RXFP1: variants seen among roughly 807,000 people sequenced by gnomAD.
The protein encoded by RXFP1 is relaxin family peptide receptor 1.
A neutral mutation model predicts 89.8 loss-of-function variants in RXFP1; 73 were observed. The ratio of observed to expected loss-of-function variants is 0.81; its 90% CI spans 0.67 to 0.99. RXFP1 has a LOEUF of 0.99. Ranked by LOEUF, RXFP1 falls within the 50% of genes least tolerant of loss-of-function variation. RXFP1 has a pLI of 0.00. For synonymous variants in RXFP1, 277 were observed against 305.5 expected (o/e 0.91, Z 0.97); for missense variants, 793 against 895.5 (o/e 0.89, Z 1.46).
intron 1 of RXFP1, among the ~76,000 whole-genome samples, chr4:158,550,281 A>AT (rs1198518188): frequency 2.0e-5 from 3 of 152,178 alleles, no homozygotes; most frequent in Non-Finnish European, 4.4e-5. Flanking sequence ...CTGGTGTGCC[A>AT]TTTTTTAAGC....
intron 14 of RXFP1, among the ~76,000 whole-genome samples, chr4:158,644,594 G>C (rs149365462): frequency 5.3e-5 from 8 of 152,232 alleles, no homozygotes; most frequent in East Asian, 1.9e-4. Flanking sequence ...TAACCATTGC[G>C]AGTACGATAA....
At chr4:158,532,783 C>T (rs1315692596) in intron 1 of RXFP1, among the ~76,000 whole-genome samples, 1 of 152,184 alleles carries the variant, frequency 6.6e-6, no homozygotes, top group Non-Finnish European at 1.5e-5. Context: ...GGAACTCAGG[C>T]AGATTCGGGG....
At chr4:158,642,096 CT>C (rs144853904) in intron 14 of RXFP1, among the ~76,000 whole-genome samples, 12 of 148,858 alleles carry the variant, frequency 8.1e-5, no homozygotes, top group African/African-American at 3.0e-4. Flanking sequence ...AATATAACTT[CT>C]TTTTTTTTTC....
chr4:158,639,841 C>T (rs2150235391), intron 14 of RXFP1, among the ~76,000 whole-genome samples: 1 of 152,064 alleles, frequency 6.6e-6, no homozygotes, highest in African/African-American at 2.4e-5. Context: ...GCCTGGGCGA[C>T]AGAGTGAGAC....
chr4:158,529,334 C>T (rs1743426773), intron 1 of RXFP1, among the ~76,000 whole-genome samples: 1 of 151,986 alleles, frequency 6.6e-6, no homozygotes, highest in African/African-American at 2.4e-5. Flanking sequence ...TCACAGCTCA[C>T]TGCAGCCTCA....
intron 1 of RXFP1, among the ~76,000 whole-genome samples, chr4:158,542,109 A>ATATATATATATTTTTTT: frequency 2.3e-4 from 8 of 35,238 alleles, no homozygotes; most frequent in South Asian, 8.1e-4. Flanking sequence ...ATATATATAT[A>ATATATATATATTTTTTT]TTTTTTTTTT....
intron 3 of RXFP1, among the ~76,000 whole-genome samples, chr4:158,596,075 T>C (rs1490569885): frequency 2.0e-5 from 3 of 151,204 alleles, no homozygotes; most frequent in African/African-American, 4.9e-5. Flanking sequence ...GCCACTGTGC[T>C]CCAGCCTAGG....
intron 3 of RXFP1, among the ~76,000 whole-genome samples, chr4:158,595,177 C>A (rs969119592): frequency 2.0e-5 from 3 of 152,190 alleles, no homozygotes; most frequent in African/African-American, 7.2e-5. Flanking sequence ...TTATTCAATT[C>A]TCTTACTCAT....
rs180780991 is a variant in RXFP1, at chr4:158,652,178, G to A, written c.*123G>A. On this transcript the variant is annotated 3_prime_UTR_variant, in exon 18 of 18. Transcript: ENST00000307765. ...AATAGCTAAGATAAATATTTTACAAGGACATGAGGAAAAATAAAAATGACT... is the reference window on the plus strand; with the variant it reads ...AATAGCTAAGATAAATATTTTACAAAGACATGAGGAAAAATAAAAATGACT... 12 of 769,610 alleles carry A rather than the reference G, an allele frequency of 1.6e-5. No individual in the cohort carries two copies. The African/African-American group carries it at 1.6e-4, about 10-fold the overall frequency. The allele number at this position is 769,610 out of a possible 1,614,324, so 47.7% of individuals were successfully genotyped here.
At chr4:158,555,240 A>G (rs1751025421) in intron 1 of RXFP1, among the ~76,000 whole-genome samples, 1 of 152,170 alleles carries the variant, frequency 6.6e-6, no homozygotes, top group East Asian at 1.9e-4. Flanking sequence ...AGAGTAAAAA[A>G]CTTAGTTTAT....
rs902953975 is a variant in RXFP1 at position 158,554,213 on chromosome 4, A to AT, written c.50-18479dup. ...AGAAAACTAATATTACAATTCAATG[A>AT]TTTTTTCTCTATAGCTAAGAAACCG... On this transcript the variant is annotated intron_variant, in intron 1 of 17. Coordinates refer to ENST00000307765, the MANE Select transcript of RXFP1 (RefSeq NM_021634.4). Among the ~76,000 whole-genome samples, 13 of 152,268 alleles carry AT rather than the reference A, an allele frequency of 8.5e-5. No individual in the cohort carries two copies. In the East Asian group the frequency reaches 1.2e-3, roughly 14 times the overall value.
intron 13 of RXFP1, 138 bp downstream of exon 13, chr4:158,638,217 G>A: frequency 7.4e-6 from 4 of 541,288 alleles, no homozygotes; most frequent in Non-Finnish European, 1.3e-5. Context: ...ACATATGGGT[G>A]CTTGCTGAAC....
At chr4:158,573,082 C>G (rs1177073242) in intron 2 of RXFP1, 1 of 336,026 alleles carries the variant, frequency 3.0e-6, no homozygotes, top group African/African-American at 2.1e-5. Flanking sequence ...GATCTCGGCT[C>G]ACTGCAACCT....
intron 1 of RXFP1, among the ~76,000 whole-genome samples, chr4:158,561,633 T>TC (rs1752462442): frequency 7.0e-6 from 1 of 143,694 alleles, no homozygotes; most frequent in South Asian, 2.2e-4. Flanking sequence ...TTTCTTTTTT[T>TC]TTTTTTTTTT....
intron 2 of RXFP1, 80 bp downstream of exon 2, chr4:158,572,915 A>C: frequency 6.5e-7 from 1 of 1,548,558 alleles, no homozygotes; most frequent in Middle Eastern, 1.8e-4. Context: ...TTCTCTCAAC[A>C]AAAAGACAAA....
chr4:158,561,626 C>CTT lies in RXFP1; in HGVS notation c.50-11054_50-11053dup, dbSNP rs70962615. Among the ~76,000 whole-genome samples, 322 of 112,552 alleles carry CTT rather than the reference C, an allele frequency of 2.9e-3. 7 individuals are homozygous for CTT. The highest frequency in any genetic ancestry group is 6.3e-3 in the African/African-American group (191 of 30,206). 73.8% of individuals were successfully genotyped at this position (112,552 alleles called of 152,430 possible). On this transcript the variant is annotated intron_variant, in intron 1 of 17. Coordinates refer to ENST00000307765, the MANE Select transcript of RXFP1 (RefSeq NM_021634.4). ...ACAATCTGTATTTTTTTCTTTTTTT[C>CTT]TTTTTTTTTTTTTTTTTTTGAGACA...
At chr4:158,521,729 G>A (rs1242982653), upstream of RXFP1, 2 of 494,818 alleles carry the variant, frequency 4.0e-6, no homozygotes, top group African/African-American at 2.0e-5. Context: ...TGTGTGTAAA[G>A]AAGGAGATTA....
intron 13 of RXFP1, among the ~76,000 whole-genome samples, chr4:158,638,848 A>G (rs1203778131): frequency 6.6e-6 from 1 of 151,748 alleles, no homozygotes; most frequent in African/African-American, 2.4e-5. Flanking sequence ...AGTTCATTTA[A>G]TTTGAGTGTT....
intron 2 of RXFP1, among the ~76,000 whole-genome samples, chr4:158,573,656 C>T (rs559782041): frequency 7.9e-5 from 12 of 152,240 alleles, no homozygotes; most frequent in South Asian, 6.2e-4. Context: ...AGGCAGAATA[C>T]GGTTGAAATT....
Sources: gnomAD v4.1 joint callset for allele counts (sites outside exome capture counted in the v4.1 genomes callset) on GRCh38, gnomAD v4.1.1 for gene constraint, MANE v1.5 for transcripts, NCBI Gene and HGNC (gene_info 2026-07-23, HGNC 2026-07-21) for gene names.